PPFIA2: variants seen among roughly 807,000 people sequenced by gnomAD.
The protein encoded by PPFIA2 is liprin-alpha-2.
A neutral mutation model predicts 175.5 loss-of-function variants in PPFIA2; 46 were observed. The observed-to-expected ratio is 0.26, with a 90% CI of 0.21 to 0.34. PPFIA2 has a LOEUF of 0.34. Among genes scored for constraint, PPFIA2 ranks in the 10% least tolerant of loss-of-function variants. The probability of loss-of-function intolerance (pLI) is 1.00; values close to 1 mark genes in which losing one functional copy is unlikely to be tolerated. For missense variants in PPFIA2, 1,179 were observed against 1,506.1 expected, an observed-to-expected ratio of 0.78 and a Z score of 3.60; for synonymous variants, 568 against 511.4, an observed-to-expected ratio of 1.11 and a Z score of -1.49.
At chr12:81,673,986 T>A (rs1264468200) in intron 4 of PPFIA2, among the ~76,000 whole-genome samples, 1 of 152,066 alleles carries the variant, frequency 6.6e-6, no homozygotes, top group Admixed American at 6.6e-5. Context: ...TCTCCTAGAG[T>A]TCTCAAATTT....
At chr12:81,469,488 A>G (rs991951875) in intron 4 of PPFIA2, among the ~76,000 whole-genome samples, 1 of 152,246 alleles carries the variant, frequency 6.6e-6, no homozygotes, top group African/African-American at 2.4e-5. Context: ...GGGGCATCTA[A>G]GATGAAATGT....
chr12:81,665,480 A>G (rs2069998715), intron 4 of PPFIA2, among the ~76,000 whole-genome samples: 1 of 152,028 alleles, frequency 6.6e-6, no homozygotes, highest in Admixed American at 6.6e-5. Flanking sequence ...TTCTATATTT[A>G]ACATAATTTA....
rs150521601 is a variant in PPFIA2, at chr12:81,639,671, T to C, written c.303+37120A>G. ...GAGATATATGTGTTTTTCATAAAAG[T>C]TATAAATGTTTTCTTAATTGATAAA... On this transcript the variant is annotated intron_variant, in intron 4 of 32. Coordinates refer to ENST00000549396, the MANE Select transcript of PPFIA2 (RefSeq NM_003625.5). Among the ~76,000 whole-genome samples the C allele has an allele frequency of 5.9e-5, 9 of 152,300 alleles. No homozygotes were observed. The East Asian group carries it at 1.7e-3, about 29-fold the overall frequency.
intron 4 of PPFIA2, among the ~76,000 whole-genome samples, chr12:81,659,225 G>T (rs772884498): frequency 6.6e-6 from 1 of 152,100 alleles, no homozygotes; most frequent in Non-Finnish European, 1.5e-5. Context: ...GTGCAGGACA[G>T]TGGTACAGTG....
intron 27 of PPFIA2, among the ~76,000 whole-genome samples, chr12:81,280,335 A>G (rs946538565): frequency 2.0e-5 from 3 of 152,196 alleles, no homozygotes; most frequent in African/African-American, 7.2e-5. Flanking sequence ...TACCACATTT[A>G]ATTCAACAGT....
At position 81,355,501 on chromosome 12, in the gene PPFIA2, A is replaced by G. The variant is rs76201310; in HGVS notation, c.1774-2162T>C. ...TCTGAGTCTTTGAAGCCAGTCATTT[A>G]CTTTTCTTCTCTATATATGAAAGTC... On this transcript the variant is annotated intron_variant, in intron 16 of 32. Transcript: ENST00000549396. 1.5e-3 allele frequency among the ~76,000 whole-genome samples: 230 copies of G among 152,252 alleles called. 4 individuals are homozygous for G. In the East Asian group the frequency reaches 0.028, roughly 18 times the overall value.
intron 4 of PPFIA2, among the ~76,000 whole-genome samples, chr12:81,615,188 T>TA (rs2061327340): frequency 6.6e-6 from 1 of 152,196 alleles, no homozygotes; most frequent in Non-Finnish European, 1.5e-5. Flanking sequence ...GCAAGGGCTT[T>TA]GGTCTGAGCA....
At chr12:81,502,137 G>C (rs2060656286) in intron 4 of PPFIA2, among the ~76,000 whole-genome samples, 1 of 152,002 alleles carries the variant, frequency 6.6e-6, no homozygotes. Flanking sequence ...TCATACTGCT[G>C]CCACCACAAG....
chr12:81,432,102 T>C (rs963219920), intron 7 of PPFIA2, among the ~76,000 whole-genome samples: 2 of 97,214 alleles, frequency 2.1e-5, no homozygotes, highest in African/African-American at 1.3e-4. Flanking sequence ...TAAAACAAGA[T>C]AAATAATTAG....
chr12:81,661,466 T>C (rs1243600012), intron 4 of PPFIA2, among the ~76,000 whole-genome samples: 1 of 152,074 alleles, frequency 6.6e-6, no homozygotes, highest in Non-Finnish European at 1.5e-5. Flanking sequence ...CATTACATAA[T>C]GGTAAAGGGA....
intron 4 of PPFIA2, among the ~76,000 whole-genome samples, chr12:81,660,179 C>T (rs974238820): frequency 9.2e-5 from 14 of 152,076 alleles, no homozygotes; most frequent in African/African-American, 1.4e-4. Context: ...TCACCAGCAA[C>T]GGAACAAAGA....
chr12:81,446,464 G>A (rs1488066035), intron 5 of PPFIA2, among the ~76,000 whole-genome samples: 1 of 152,020 alleles, frequency 6.6e-6, no homozygotes, highest in Non-Finnish European at 1.5e-5. Flanking sequence ...GTGAATTGGG[G>A]TTTCATATTT....
Position 81,407,563 on chromosome 12 carries a change from C to T in PPFIA2, c.646-1660G>A, listed in dbSNP as rs538504804. On this transcript the variant is annotated intron_variant, in intron 7 of 32. Transcript: ENST00000549396. The stretch of plus-strand genomic sequence containing the variant: ...TTTGTTAAAAAAACCTAAAGTTTTC[C>T]CAGCTTATTTAGCCAAAATTTAAAC... Among the ~76,000 whole-genome samples, 4 of 151,626 alleles carry T rather than the reference C, an allele frequency of 2.6e-5. No individual in the cohort carries two copies. In the South Asian group the frequency reaches 8.3e-4, roughly 32 times the overall value.
At position 81,373,300 on chromosome 12, in the gene PPFIA2, T is replaced by C. The variant is rs17008450; in HGVS notation, c.1266+1334A>G. Among the ~76,000 whole-genome samples the C allele has an allele frequency of 3.1e-3, 477 of 152,046 alleles. 8 individuals are homozygous for C. Among genetic ancestry groups the C allele is most frequent in the African/African-American group, 0.011 (446 of 41,548 alleles). On this transcript the variant is annotated intron_variant, in intron 11 of 32. Transcript: ENST00000549396. ...AGTGCAATTGAAAAAGATAACTCTT[T>C]TTGAAAGTCCTTTATGTTCTTTAGA...
intron 3 of PPFIA2, among the ~76,000 whole-genome samples, chr12:81,751,405 T>C (rs959786368): frequency 1.6e-5 from 2 of 123,778 alleles, no homozygotes; most frequent in African/African-American, 2.8e-5. Flanking sequence ...CATGAGACTA[T>C]TTACAGTCTT....
intron 3 of PPFIA2, among the ~76,000 whole-genome samples, chr12:81,691,274 T>C (rs1202136630): frequency 6.6e-6 from 1 of 152,176 alleles, no homozygotes; most frequent in East Asian, 1.9e-4. Context: ...CATCTATATA[T>C]TGCCTGATAT....
chr12:81,265,170 G>A (rs2036850086), intron 30 of PPFIA2, among the ~76,000 whole-genome samples: 1 of 151,604 alleles, frequency 6.6e-6, no homozygotes, highest in African/African-American at 2.4e-5. Context: ...GCACATGCCT[G>A]TAATCCCAGC....
intron 4 of PPFIA2, among the ~76,000 whole-genome samples, chr12:81,495,921 C>T (rs2059977720): frequency 1.3e-5 from 2 of 152,092 alleles, no homozygotes; most frequent in African/African-American, 4.8e-5. Context: ...GTTAAAAACA[C>T]ATATTATAAA....
intron 4 of PPFIA2, among the ~76,000 whole-genome samples, chr12:81,631,662 C>G (rs938927286): frequency 6.6e-6 from 1 of 152,176 alleles, no homozygotes; most frequent in Non-Finnish European, 1.5e-5. Flanking sequence ...GATACCATTT[C>G]AACTAAGTTG....
Sources: gnomAD v4.1 joint callset for allele counts (sites outside exome capture counted in the v4.1 genomes callset) on GRCh38, gnomAD v4.1.1 for gene constraint, MANE v1.5 for transcripts, NCBI Gene and HGNC (gene_info 2026-07-23, HGNC 2026-07-21) for gene names.